Variants in SPIDR observed in about 807,000 individuals in gnomAD.
The protein encoded by SPIDR is scaffold protein involved in DNA repair, also known as DNA repair-scaffolding protein.
Under a neutral mutation model 104.6 loss-of-function variants are expected in SPIDR, and 93 were observed. That is an observed-to-expected ratio of 0.89 (90% CI 0.75 to 1.06). SPIDR has a LOEUF of 1.06. Among genes scored for constraint, SPIDR ranks in the 50% least tolerant of loss-of-function variants. The pLI, the probability that SPIDR is intolerant of heterozygous loss-of-function variation, is 0.00. For missense variants in SPIDR, 1,154 were observed against 1,111.2 expected, an observed-to-expected ratio of 1.04 and a Z score of -0.55; for synonymous variants, 431 against 416.9, an observed-to-expected ratio of 1.03 and a Z score of -0.41.
intron 8 of SPIDR, among the ~76,000 whole-genome samples, chr8:47,508,792 A>T (rs2081880365): frequency 2.0e-5 from 3 of 152,106 alleles, no homozygotes; most frequent in Non-Finnish European, 4.4e-5. Flanking sequence ...CAGGACACAG[A>T]GGTGTTGAGT....
intron 5 of SPIDR, among the ~76,000 whole-genome samples, chr8:47,328,083 TTATC>T (rs773591900): frequency 3.9e-5 from 6 of 152,102 alleles, no homozygotes; most frequent in African/African-American, 7.2e-5. Context: ...AAAGTTCAGT[TTATC>T]TATTATTTCT....
rs1216691538 is a variant in SPIDR at position 47,630,562 on chromosome 8, A to G, written c.1544+31366A>G. On this transcript the variant is annotated intron_variant, in intron 10 of 19. Transcript: ENST00000297423. ...TCCATTGCTATAAATACTACTGTTT[A>G]CTGTCCACATAACAGATGCAGTTCC... Among the ~76,000 whole-genome samples the G allele has an allele frequency of 2.0e-5, 3 of 152,320 alleles. No individual in the cohort carries two copies. The South Asian group carries it at 6.2e-4, about 32-fold the overall frequency.
Position 47,311,917 on chromosome 8 carries a change from T to C in SPIDR, c.525+17887T>C, listed in dbSNP as rs149236103. On this transcript the variant is annotated intron_variant, in intron 5 of 19. Transcript: ENST00000297423. ...CCGGAGTGTGATGTTCCCCTTCCTG[T>C]GTCCAAGTGTTCTCATTGTTCAGTT... Among the ~76,000 whole-genome samples, 45 of 152,254 alleles carry C rather than the reference T, an allele frequency of 3.0e-4. No homozygotes were observed. The East Asian group carries it at 8.5e-3, about 29-fold the overall frequency.
intron 5 of SPIDR, among the ~76,000 whole-genome samples, chr8:47,368,095 A>C (rs1336773248): frequency 6.6e-6 from 1 of 152,018 alleles, no homozygotes; most frequent in African/African-American, 2.4e-5. Flanking sequence ...GTTCATAGGT[A>C]GCCATCTTTT....
At chr8:47,471,325 C>CA (rs35332610) in intron 8 of SPIDR, among the ~76,000 whole-genome samples, 2,844 of 110,636 alleles carry the variant, frequency 0.026, 72 homozygotes, top group African/African-American at 0.082. Flanking sequence ...AATTCAATGT[C>CA]AAAAAAAAAA....
At chr8:47,385,459 CATAT>C (rs2059775391) in intron 5 of SPIDR, among the ~76,000 whole-genome samples, 1 of 152,210 alleles carries the variant, frequency 6.6e-6, no homozygotes, top group Non-Finnish European at 1.5e-5. Flanking sequence ...CCTTCATGTA[CATAT>C]GAGTCTGGAC....
chr8:47,290,342 T>C (rs1285574988), intron 3 of SPIDR, among the ~76,000 whole-genome samples: 2 of 152,194 alleles, frequency 1.3e-5, no homozygotes, highest in Non-Finnish European at 2.9e-5. Flanking sequence ...GGGATTGGTA[T>C]GGGGCCAGGA....
intron 5 of SPIDR, among the ~76,000 whole-genome samples, chr8:47,374,781 C>T (rs782068212): frequency 6.6e-6 from 1 of 152,152 alleles, no homozygotes; most frequent in Non-Finnish European, 1.5e-5. Flanking sequence ...TTAGGTGGGG[C>T]ATTGTGTCTC....
chr8:47,286,686 G>A (rs1311067493), intron 3 of SPIDR, among the ~76,000 whole-genome samples: 1 of 152,044 alleles, frequency 6.6e-6, no homozygotes, highest in Non-Finnish European at 1.5e-5. Context: ...TTCTAATAAA[G>A]AACCATCAGA....
intron 8 of SPIDR, among the ~76,000 whole-genome samples, chr8:47,545,107 CTTTCTTTCTTT>C (rs2089062206): frequency 1.6e-5 from 2 of 126,702 alleles, no homozygotes; most frequent in East Asian, 2.2e-4. Flanking sequence ...TTCTTTCTTT[CTTTCTTTCTTT>C]CTTTTTTTTT....
At chr8:47,724,872 G>A (rs2083978642) in intron 16 of SPIDR, among the ~76,000 whole-genome samples, 1 of 152,148 alleles carries the variant, frequency 6.6e-6, no homozygotes, top group African/African-American at 2.4e-5. Flanking sequence ...TTTCTCTGCT[G>A]TGTCTTCTGG....
intron 8 of SPIDR, among the ~76,000 whole-genome samples, chr8:47,448,359 G>A (rs2071075641): frequency 6.6e-6 from 1 of 152,124 alleles, no homozygotes; most frequent in South Asian, 2.1e-4. Flanking sequence ...CTAATTGAAT[G>A]AGACTTTGTT....
intron 16 of SPIDR, among the ~76,000 whole-genome samples, chr8:47,726,910 C>T (rs779348933): frequency 6.6e-6 from 1 of 152,118 alleles, no homozygotes; most frequent in Non-Finnish European, 1.5e-5. Context: ...GGACTGAGGG[C>T]CGGCTCAGCT....
chr8:47,544,564 TG>T (rs1378940581), intron 8 of SPIDR, among the ~76,000 whole-genome samples: 1 of 152,248 alleles, frequency 6.6e-6, no homozygotes, highest in African/African-American at 2.4e-5. Context: ...TTCTGTTTTT[TG>T]CCTGTGGGTG....
rs565991437 is a variant in SPIDR, at chr8:47,505,699, G to A, written c.1097+65157G>A. ...AATGCAGAAATCCCCGGTCTTCTGC[G>A]TTGGTCACGCTGGGAGCTGTAGACT... On this transcript the variant is annotated intron_variant, in intron 8 of 19. Coordinates refer to ENST00000297423, the MANE Select transcript of SPIDR (RefSeq NM_001080394.4). Among the ~76,000 whole-genome samples the A allele has an allele frequency of 7.2e-5, 11 of 152,274 alleles. No individual in the cohort carries two copies. In the South Asian group the frequency reaches 1.9e-3, roughly 26 times the overall value.
At chr8:47,539,053 G>A (rs2087553661) in intron 8 of SPIDR, among the ~76,000 whole-genome samples, 1 of 151,578 alleles carries the variant, frequency 6.6e-6, no homozygotes, top group Non-Finnish European at 1.5e-5. Context: ...TAGAGACGTG[G>A]TTTCACCAGG....
intron 5 of SPIDR, among the ~76,000 whole-genome samples, chr8:47,395,096 C>T (rs1304621352): frequency 2.6e-5 from 4 of 152,016 alleles, no homozygotes; most frequent in Non-Finnish European, 2.9e-5. Context: ...TGCCTGTTAT[C>T]CCAGCACTTT....
chr8:47,352,790 G>T (rs965532574), intron 5 of SPIDR, among the ~76,000 whole-genome samples: 2 of 152,104 alleles, frequency 1.3e-5, no homozygotes, highest in African/African-American at 4.8e-5. Flanking sequence ...TCTGCCAGGC[G>T]TGGTGGCTCA....
intron 5 of SPIDR, among the ~76,000 whole-genome samples, chr8:47,309,629 C>A (rs2043749593): frequency 1.3e-5 from 2 of 152,138 alleles, no homozygotes; most frequent in South Asian, 4.1e-4. Context: ...TCCCTTCATT[C>A]CCCTCTTTCT....
Sources: allele counts gnomAD v4.1 joint callset (sites outside exome capture counted in the v4.1 genomes callset), GRCh38; gene constraint gnomAD v4.1.1; transcripts MANE v1.5; gene names NCBI Gene and HGNC (gene_info 2026-07-23, HGNC 2026-07-21).